The following ZNF470 variants were observed in gnomAD, a reference collection of about 807,000 sequenced individuals.
ZNF470 encodes the protein zinc finger protein 470.
A neutral mutation model predicts 13.9 loss-of-function variants in ZNF470; 13 were observed. The ratio of observed to expected loss-of-function variants is 0.94; its 90% CI spans 0.61 to 1.49. The LOEUF (loss-of-function observed/expected upper bound fraction) is 1.49, where lower values mean the gene tolerates loss of function less well. Ranked by LOEUF, ZNF470 falls within the 40% of genes most tolerant of loss-of-function variation. The probability of loss-of-function intolerance (pLI) is 0.00; values close to 1 mark genes in which losing one functional copy is unlikely to be tolerated. For missense variants in ZNF470, 929 were observed against 857.3 expected (o/e 1.08, Z -1.04); for synonymous variants, 293 against 282.9 (o/e 1.04, Z -0.36).
intron 3 of ZNF470, among the ~76,000 whole-genome samples, chr19:56,573,367 C>T (rs1022190086): frequency 6.6e-6 from 1 of 152,204 alleles, no homozygotes; most frequent in South Asian, 2.1e-4. Flanking sequence ...AACTGAGGCA[C>T]AGGGAAGTTA....
intron 3 of ZNF470, among the ~76,000 whole-genome samples, chr19:56,571,208 C>T (rs2044449616): frequency 6.6e-6 from 1 of 152,220 alleles, no homozygotes; most frequent in Admixed American, 6.5e-5. Context: ...TACATCCTTT[C>T]TTCTTTCTAG....
At chr19:56,569,450 CTTATTTTCTG>C (rs1482730258) in intron 2 of ZNF470, among the ~76,000 whole-genome samples, 2 of 152,126 alleles carry the variant, frequency 1.3e-5, no homozygotes, top group Admixed American at 6.5e-5. Context: ...GCACAGAGGA[CTTATTTTCTG>C]TTATTTTCTG....
rs866540664 is a variant in ZNF470 at position 56,578,431 on chromosome 19, A to G, written c.2002A>G (p.Lys668Glu). 2 of 1,612,442 alleles carry G rather than the reference A, an allele frequency of 1.2e-6. No individual in the cohort carries two copies. The highest frequency in any genetic ancestry group is 1.7e-5 in the Admixed American group (1 of 59,854). The change falls in exon 6 of 6, where the codon AAG (lysine) becomes GAG (glutamate). Residue 668 changes from lysine to glutamate, a missense_variant. By Grantham distance (56) the Lys-to-Glu change is moderately conservative. Coordinates refer to ENST00000330619, the MANE Select transcript of ZNF470 (RefSeq NM_001001668.4). Reference sequence around the variant, plus strand: ...CCAGGTTGCCCATCTTACTCTACATAAGAGAATTCATACTGGAGAAAGGCC... The same window carrying G: ...CCAGGTTGCCCATCTTACTCTACATGAGAGAATTCATACTGGAGAAAGGCC... ...FSQVAHLTLH[K>E]RIHTGERPYE...
Position 56,582,626 on chromosome 19 carries a change from C to T in ZNF470, c.*4043C>T. The T allele has an allele frequency of 1.0e-6, 1 of 961,880 alleles. No homozygotes were observed. Among genetic ancestry groups the T allele is most frequent in the African/African-American group, 1.8e-5 (1 of 56,822 alleles). The allele number at this position is 961,880 out of a possible 1,614,324, so 59.6% of individuals were successfully genotyped here. A position where few individuals can be genotyped will look rare whatever the true frequency, so the allele number is the denominator to read the frequency against. ...AAACCCCAACATGACTGTATTTGGACATAAGGCCTTTAAGAAACTAAGGTT... is the reference window on the plus strand; with the variant it reads ...AAACCCCAACATGACTGTATTTGGATATAAGGCCTTTAAGAAACTAAGGTT... On this transcript the variant is annotated 3_prime_UTR_variant, in exon 6 of 6. Transcript: ENST00000330619.
intron 5 of ZNF470, among the ~76,000 whole-genome samples, chr19:56,575,270 A>C (rs2044480819): frequency 6.6e-6 from 1 of 151,742 alleles, no homozygotes; most frequent in Admixed American, 6.6e-5. Flanking sequence ...TGTTACCTTT[A>C]TGTATTTATA....
At chr19:56,576,684 G>T in intron 5 of ZNF470, 29 bp from the exon 6 acceptor site, 1 of 1,364,920 alleles carries the variant, frequency 7.3e-7, no homozygotes, top group Admixed American at 2.8e-5. Context: ...TTTAATAAAG[G>T]AGACATTTAC....
Position 56,577,900 on chromosome 19 carries a change from C to T in ZNF470, c.1471C>T (p.Arg491Trp), listed in dbSNP as rs143920172. The change falls in exon 6 of 6, where the codon CGG becomes TGG. Residue 491 changes from arginine (R) to tryptophan (W), a missense_variant. By Grantham distance (101) the Arg-to-Trp change is moderately radical (BLOSUM62 -3). Coordinates refer to ENST00000330619, the MANE Select transcript of ZNF470 (RefSeq NM_001001668.4). Reference protein sequence around the residue: ...YECKECGKAFRQSTHLAHHQR... With the variant: ...YECKECGKAFWQSTHLAHHQR... ...ATGTAAAGAATGTGGGAAAGCTTTCCGGCAGAGCACGCATCTGGCTCATCA... is the reference window on the plus strand; with the variant it reads ...ATGTAAAGAATGTGGGAAAGCTTTCTGGCAGAGCACGCATCTGGCTCATCA... 5.0e-5 allele frequency: 81 copies of T among 1,612,640 alleles called. No individual in the cohort carries two copies. The highest frequency in any genetic ancestry group is 1.3e-4 in the Admixed American group (8 of 59,886).
chr19:56,569,944 A>G (rs2044438780), intron 2 of ZNF470, among the ~76,000 whole-genome samples: 4 of 152,156 alleles, frequency 2.6e-5, no homozygotes. Context: ...AGCTATGATC[A>G]CGTCACTGTA....
rs772953389 is a variant in ZNF470, at chr19:56,577,184, G to A, written c.755G>A (p.Gly252Glu). ...ACTCTTCACCAAAGAATTCATACAG[G>A]AGAGAAACCCTATGAATGTATTGAA... ...TLTLHQRIHT[G>E]EKPYECIECG... The change falls in exon 6 of 6, where the codon GGA (glycine) becomes GAA (glutamate). Residue 252 changes from glycine to glutamate, a missense_variant. Coordinates refer to ENST00000330619, the MANE Select transcript of ZNF470 (RefSeq NM_001001668.4). The A allele has an allele frequency of 6.2e-7, 1 of 1,613,220 alleles. No individual in the cohort carries two copies. Among genetic ancestry groups the A allele is most frequent in the Admixed American group, 1.7e-5 (1 of 59,716 alleles).
At position 56,580,722 on chromosome 19, in the gene ZNF470, G is replaced by A. The variant is rs1378522897; in HGVS notation, c.*2139G>A. 2.5e-6 allele frequency: 1 copy of A among 393,464 alleles called. No individual in the cohort carries two copies. Among genetic ancestry groups the A allele is most frequent in the African/African-American group, 2.2e-5 (1 of 45,456 alleles). The allele number at this position is 393,464 out of a possible 1,614,324, so 24.4% of individuals were successfully genotyped here. ...CAGAGTACATGACTGCTAGAAAATG[G>A]AGTTTGGGGCTCCCTCTTCACTTCT... is the stretch of plus-strand genomic sequence containing the variant. On this transcript the variant is annotated 3_prime_UTR_variant, in exon 6 of 6. Coordinates refer to ENST00000330619, the MANE Select transcript of ZNF470 (RefSeq NM_001001668.4).
In ZNF470 at chr19:56,581,865, T is replaced by A; in HGVS notation, c.*3282T>A. 3 of 985,390 alleles carry A rather than the reference T, an allele frequency of 3.0e-6. No individual in the cohort carries two copies. The highest frequency in any genetic ancestry group is 3.6e-6 in the Non-Finnish European group (3 of 829,916). The allele number at this position is 985,390 out of a possible 1,614,324, so 61.0% of individuals were successfully genotyped here. A position where few individuals can be genotyped will look rare whatever the true frequency, so the allele number is the denominator to read the frequency against. On this transcript the variant is annotated 3_prime_UTR_variant, in exon 6 of 6. Coordinates refer to ENST00000330619, the MANE Select transcript of ZNF470 (RefSeq NM_001001668.4). ...AGGCATTTGGATCTGTGTCATCCAA[T>A]GGCAACTCCCTAAAAGCTGATGCAG...
chr19:56,580,870 A>G lies in ZNF470; in HGVS notation c.*2287A>G. 4 of 985,246 alleles carry G rather than the reference A, an allele frequency of 4.1e-6. No homozygotes were observed. Among genetic ancestry groups the G allele is most frequent in the Admixed American group, 6.1e-5 (1 of 16,264 alleles). The allele number at this position is 985,246 out of a possible 1,614,324, so 61.0% of individuals were successfully genotyped here. On this transcript the variant is annotated 3_prime_UTR_variant, in exon 6 of 6. Transcript: ENST00000330619. ...TAGTGGGGAAAAGGTGGTTTGATCA[A>G]ATGGCATTGGGAAACTTAGCTCACT...
Position 56,577,599 on chromosome 19 carries a change from T to C in ZNF470, c.1170T>C (p.Tyr390=), listed in dbSNP as rs560799616. 1 of 1,614,074 alleles carries C rather than the reference T, an allele frequency of 6.2e-7. No individual in the cohort carries two copies. Among genetic ancestry groups the C allele is most frequent in the Non-Finnish European group, 8.5e-7 (1 of 1,179,998 alleles). ...CTCTTATACGTCATCGGCGATATTA[T>C]CATACTGGAGAGAAACCCTTTGACT... ...NASLIRHRRY[Y]HTGEKPFDCI... The change falls in exon 6 of 6, where the codon TAT becomes TAC. Residue 390 remains tyrosine (Y), a synonymous_variant. Transcript: ENST00000330619.
Position 56,574,382 on chromosome 19 carries a change from G to A in ZNF470, c.61-12G>A, listed in dbSNP as rs1475543775. 6.2e-7 allele frequency: 1 copy of A among 1,613,384 alleles called. No homozygotes were observed. The highest frequency in any genetic ancestry group is 1.7e-5 in the Admixed American group (1 of 59,982). Reference sequence around the variant, plus strand: ...ACACTGAGTGAGCAAGATCATATTTGTGTCATTTTAGGGTTCAGTGACTTT... The same window carrying A: ...ACACTGAGTGAGCAAGATCATATTTATGTCATTTTAGGGTTCAGTGACTTT... On this transcript the variant is annotated splice_polypyrimidine_tract_variant and intron_variant, in intron 3 of 5. Coordinates refer to ENST00000330619, the MANE Select transcript of ZNF470 (RefSeq NM_001001668.4).
At position 56,578,733 on chromosome 19, in the gene ZNF470, G is replaced by T; in HGVS notation, c.*150G>T. 1 of 1,273,048 alleles carries T rather than the reference G, an allele frequency of 7.9e-7. No individual in the cohort carries two copies. Among genetic ancestry groups the T allele is most frequent in the Non-Finnish European group, 9.9e-7 (1 of 1,008,270 alleles). The allele number at this position is 1,273,048 out of a possible 1,614,324, so 78.9% of individuals were successfully genotyped here. On this transcript the variant is annotated 3_prime_UTR_variant, in exon 6 of 6. Transcript: ENST00000330619. ...TTCTATCAACTACATGTTTAACACT[G>T]TAGGCAGCCTAACCTTTTAAAAATA...
chr19:56,572,801 C>T (rs1305148755), intron 3 of ZNF470, among the ~76,000 whole-genome samples: 1 of 151,900 alleles, frequency 6.6e-6, no homozygotes, highest in East Asian at 1.9e-4. Flanking sequence ...GGAAAGTAGC[C>T]CTTAGGAATG....
Position 56,582,386 on chromosome 19 carries a change from G to T in ZNF470, c.*3803G>T. The T allele has an allele frequency of 1.0e-6, 1 of 985,304 alleles. No individual in the cohort carries two copies. 61.0% of individuals were successfully genotyped at this position (985,304 alleles called of 1,614,324 possible). A position where few individuals can be genotyped will look rare whatever the true frequency, so the allele number is the denominator to read the frequency against. ...ATTTTGTATGATATTGTTGAAAGAT[G>T]TCTTACATTGTTTAAAGTCATAGGG... On this transcript the variant is annotated 3_prime_UTR_variant, in exon 6 of 6. Transcript: ENST00000330619.
At chr19:56,570,227 A>G in intron 2 of ZNF470, 53 bp from the exon 3 acceptor site, 2 of 1,349,902 alleles carry the variant, frequency 1.5e-6, no homozygotes, top group East Asian at 4.6e-5. Context: ...AAGCATTTTC[A>G]GACTTTGATT....
intron 3 of ZNF470, 31 bp from the exon 4 acceptor site, chr19:56,574,363 A>C (rs2044474571): frequency 1.9e-6 from 3 of 1,613,178 alleles, no homozygotes; most frequent in Non-Finnish European, 2.5e-6. Flanking sequence ...GTGAACACTG[A>C]GTGAGCAAGA....
Sources: allele counts gnomAD v4.1 joint callset (sites outside exome capture counted in the v4.1 genomes callset), GRCh38; gene constraint gnomAD v4.1.1; transcripts MANE v1.5; gene names NCBI Gene and HGNC (gene_info 2026-07-23, HGNC 2026-07-21).